SLC22A23: variants seen among roughly 807,000 people sequenced by gnomAD.
SLC22A23 encodes the protein solute carrier family 22 member 23.
A neutral mutation model predicts 61.0 loss-of-function variants in SLC22A23; 26 were observed. The observed-to-expected ratio is 0.43, with a 90% CI of 0.31 to 0.59. SLC22A23 has a LOEUF of 0.59. SLC22A23 is among the 20% of genes least tolerant of loss of function. The probability of loss-of-function intolerance (pLI) is 0.11; values close to 1 mark genes in which losing one functional copy is unlikely to be tolerated. For missense variants in SLC22A23, 796 were observed against 934.7 expected, an observed-to-expected ratio of 0.85 and a Z score of 1.94; for synonymous variants, 430 against 413.9, an observed-to-expected ratio of 1.04 and a Z score of -0.47.
chr6:3,358,421 GACA>G (rs1163370558), intron 3 of SLC22A23, among the ~76,000 whole-genome samples: 1 of 152,138 alleles, frequency 6.6e-6, no homozygotes, highest in East Asian at 1.9e-4. Context: ...TGACACGTAC[GACA>G]CGTGGATGAA....
chr6:3,380,587 T>C (rs777923857), intron 3 of SLC22A23, among the ~76,000 whole-genome samples: 9 of 151,982 alleles, frequency 5.9e-5, no homozygotes, highest in Non-Finnish European at 1.3e-4. Context: ...CAAAACTCTA[T>C]ACACCCAAAG....
intron 3 of SLC22A23, among the ~76,000 whole-genome samples, chr6:3,332,847 T>A (rs1561904367): frequency 6.6e-6 from 1 of 152,140 alleles, no homozygotes; most frequent in Non-Finnish European, 1.5e-5. Flanking sequence ...TAGAGCAGAC[T>A]TCCCCCGACC....
chr6:3,279,509 C>CAAAAAAAAAAAAAAAAAAAAAAAAAA lies in SLC22A23; in HGVS notation c.1703+4317_1703+4342dup, dbSNP rs10642564. Reference sequence around the variant, plus strand: ...CTGGCAACAGAGCAAGGCTCCGTCTCAAAAAAAAAAAAAAAAAAAAAAAAA... The same window carrying CAAAAAAAAAAAAAAAAAAAAAAAAAA: ...CTGGCAACAGAGCAAGGCTCCGTCTCAAAAAAAAAAAAAAAAAAAAAAAAAAAAAAAAAAAAAAAAAAAAAAAAAAA... On this transcript the variant is annotated intron_variant, in intron 9 of 9. Transcript: ENST00000406686. 3.1e-4 allele frequency among the ~76,000 whole-genome samples: 11 copies of CAAAAAAAAAAAAAAAAAAAAAAAAAA among 36,016 alleles called. 2 individuals carry two copies. Among genetic ancestry groups the CAAAAAAAAAAAAAAAAAAAAAAAAAA allele is most frequent in the South Asian group, 1.6e-3 (1 of 624 alleles). The allele number at this position is 36,016 out of a possible 152,430, so 23.6% of individuals were successfully genotyped here.
chr6:3,413,802 C>T (rs1408040820), intron 2 of SLC22A23, among the ~76,000 whole-genome samples: 2 of 152,136 alleles, frequency 1.3e-5, no homozygotes, highest in Non-Finnish European at 2.9e-5. Flanking sequence ...AGCAGGGAGT[C>T]AAATGCCAGA....
intron 1 of SLC22A23, among the ~76,000 whole-genome samples, chr6:3,436,617 T>C (rs1172257017): frequency 6.6e-6 from 1 of 152,088 alleles, no homozygotes; most frequent in Non-Finnish European, 1.5e-5. Flanking sequence ...TTCCCAACTC[T>C]CTCTTCCCTA....
At chr6:3,350,182 T>A (rs553049016) in intron 3 of SLC22A23, among the ~76,000 whole-genome samples, 5 of 152,346 alleles carry the variant, frequency 3.3e-5, no homozygotes, top group African/African-American at 1.2e-4. Flanking sequence ...TTTTTTTCTT[T>A]AAAAATGCTG....
In SLC22A23 at chr6:3,368,451, G is replaced by A. The variant is rs941858086; in HGVS notation, c.913+41737C>T. Among the ~76,000 whole-genome samples, 11 of 152,188 alleles carry A rather than the reference G, an allele frequency of 7.2e-5. 1 individual carries two copies. The highest frequency in any genetic ancestry group is 1.7e-4 in the African/African-American group (7 of 41,446). On this transcript the variant is annotated intron_variant, in intron 3 of 9. Transcript: ENST00000406686. ...ATGCGCTTTTCCAGGGGAAGGACCC[G>A]TAGCTGCCATCAAATTCTGGAAGGG...
rs1181334212 is a variant in SLC22A23 at position 3,322,856 on chromosome 6, A to G, written c.1082+978T>C. On this transcript the variant is annotated intron_variant, in intron 4 of 9. Coordinates refer to ENST00000406686, the MANE Select transcript of SLC22A23 (RefSeq NM_015482.2). This position sits in a 1 kb window ranked among gnomAD's most constrained non-coding sequence, Gnocchi z 4.1. ...AGAAATTTGGTTTTCATTGTTGACTAAATAGTAGCAATACAGGGCCACATC... is the reference window on the plus strand; with the variant it reads ...AGAAATTTGGTTTTCATTGTTGACTGAATAGTAGCAATACAGGGCCACATC... Among the ~76,000 whole-genome samples the G allele has an allele frequency of 6.6e-6, 1 of 152,202 alleles. No individual in the cohort carries two copies. The highest frequency in any genetic ancestry group is 1.5e-5 in the Non-Finnish European group (1 of 68,044).
At chr6:3,376,382 T>G (rs1766566410) in intron 3 of SLC22A23, among the ~76,000 whole-genome samples, 1 of 152,162 alleles carries the variant, frequency 6.6e-6, no homozygotes, top group African/African-American at 2.4e-5. Context: ...TGAGCTGGGT[T>G]ATAGTCCCTA....
rs568488122 is a variant in SLC22A23 at position 3,357,445 on chromosome 6, T to C, written c.914-33443A>G. 5.2e-5 allele frequency among the ~76,000 whole-genome samples: 8 copies of C among 152,386 alleles called. No homozygotes were observed. The East Asian group carries it at 1.5e-3, about 29-fold the overall frequency. On this transcript the variant is annotated intron_variant, in intron 3 of 9. Coordinates refer to ENST00000406686, the MANE Select transcript of SLC22A23 (RefSeq NM_015482.2). ...AAATACAAAGTAGGTGTGTTCTTCCTGGCTTTCTACCTGCTCAATTAGGCT... is the reference window on the plus strand; with the variant it reads ...AAATACAAAGTAGGTGTGTTCTTCCCGGCTTTCTACCTGCTCAATTAGGCT...
intron 3 of SLC22A23, among the ~76,000 whole-genome samples, chr6:3,405,991 T>C (rs183662545): frequency 1.3e-5 from 2 of 151,274 alleles, no homozygotes; most frequent in Non-Finnish European, 3.0e-5. Context: ...GGAGGGTTAT[T>C]ACAATAAGAA....
At position 3,456,681 on chromosome 6, in the gene SLC22A23, C is replaced by CGA; in HGVS notation, c.-124_-123dup. ...CTGCCGCCGAGGAGGGCCCGCGGCTCGAGAGAGAGCGCTCGGCGGCTCCGG... is the reference window on the plus strand; with the variant it reads ...CTGCCGCCGAGGAGGGCCCGCGGCTCGAGAGAGAGAGCGCTCGGCGGCTCCGG... On this transcript the variant is annotated 5_prime_UTR_variant, in exon 1 of 10. Coordinates refer to ENST00000406686, the MANE Select transcript of SLC22A23 (RefSeq NM_015482.2). The surrounding 1 kb of genome is among the most constrained non-coding windows in gnomAD (Gnocchi z 7.1). The CGA allele has an allele frequency of 1.7e-6, 1 of 605,154 alleles. No homozygotes were observed. The highest frequency in any genetic ancestry group is 2.1e-6 in the Non-Finnish European group (1 of 485,200). The allele number at this position is 605,154 out of a possible 1,614,324, so 37.5% of individuals were successfully genotyped here.
At position 3,297,378 on chromosome 6, in the gene SLC22A23, A is replaced by C. The variant is rs894023851; in HGVS notation, c.1210+713T>G. 1.3e-5 allele frequency among the ~76,000 whole-genome samples: 2 copies of C among 152,188 alleles called. No individual in the cohort carries two copies. The highest frequency in any genetic ancestry group is 4.8e-5 in the African/African-American group (2 of 41,436). ...AGTCAGAGCTTGGGCCGAGACCACC[A>C]GTGATCTTCAAACGGAAATCTGTAT... On this transcript the variant is annotated intron_variant, in intron 5 of 9. Transcript: ENST00000406686. This position sits in a 1 kb window ranked among gnomAD's most constrained non-coding sequence, Gnocchi z 4.3.
intron 3 of SLC22A23, among the ~76,000 whole-genome samples, chr6:3,400,530 C>T (rs897711912): frequency 6.6e-6 from 1 of 152,242 alleles, no homozygotes; most frequent in African/African-American, 2.4e-5. Context: ...TTCCCTGGAA[C>T]TTCATGGTTT....
intron 5 of SLC22A23, among the ~76,000 whole-genome samples, chr6:3,294,167 C>T (rs1760868108): frequency 1.3e-5 from 2 of 152,150 alleles, no homozygotes; most frequent in Non-Finnish European, 2.9e-5. Context: ...GGGAGAATGG[C>T]TCCTCTCCCT....
At chr6:3,369,526 A>G (rs1472640619) in intron 3 of SLC22A23, among the ~76,000 whole-genome samples, 2 of 152,136 alleles carry the variant, frequency 1.3e-5, no homozygotes, top group Non-Finnish European at 2.9e-5. Context: ...CCCCATCTCT[A>G]CTAAAAATAC....
intron 4 of SLC22A23, among the ~76,000 whole-genome samples, chr6:3,314,610 AATG>A (rs1249964872): frequency 6.6e-6 from 1 of 152,232 alleles, no homozygotes; most frequent in African/African-American, 2.4e-5. Flanking sequence ...AAATATTTTT[AATG>A]ATATTTTAAA....
rs201109220 is a variant in SLC22A23 at position 3,323,989 on chromosome 6, G to C, written c.927C>G (p.Cys309Trp). 2 of 1,614,122 alleles carry C rather than the reference G, an allele frequency of 1.2e-6. No homozygotes were observed. Among genetic ancestry groups the C allele is most frequent in the East Asian group, 4.5e-5 (2 of 44,872 alleles). ...LTLYALRIELCPPGKRFMITM... is the reference protein window; with the variant it reads ...LTLYALRIELWPPGKRFMITM... ...TAATCATGAACCGTTTTCCAGGGGG[G>C]CACAGCTCTATTCCTAGAACACAGA... The change falls in exon 4 of 10, where the codon TGC (cysteine) becomes TGG (tryptophan). Residue 309 changes from cysteine to tryptophan, a missense_variant. Transcript: ENST00000406686.
rs1457543365 is a variant in SLC22A23 at position 3,456,519 on chromosome 6, G to GGCCCGCC, written c.34_40dup (p.Pro14ArgfsTer70). On this transcript the variant is annotated frameshift_variant, in exon 1 of 10. Coordinates refer to ENST00000406686, the MANE Select transcript of SLC22A23 (RefSeq NM_015482.2). LOFTEE classifies it high-confidence loss of function. The surrounding 1 kb of genome is among the most constrained non-coding windows in gnomAD (Gnocchi z 7.1). ...CTCGGCCGGGGCCGGCTGCCGCCCAGGCCCGCCGCCCGCCGCCTCGCGCCG... is the reference window on the plus strand; with the variant it reads ...CTCGGCCGGGGCCGGCTGCCGCCCAGGCCCGCCGCCCGCCGCCCGCCGCCTCGCGCCG... 5.0e-6 allele frequency: 5 copies of GGCCCGCC among 995,466 alleles called. No homozygotes were observed. Among genetic ancestry groups the GGCCCGCC allele is most frequent in the Non-Finnish European group, 6.0e-6 (5 of 838,626 alleles). 61.7% of individuals were successfully genotyped at this position (995,466 alleles called of 1,614,324 possible).
Sources: gnomAD v4.1 joint callset for allele counts (sites outside exome capture counted in the v4.1 genomes callset) on GRCh38, gnomAD v4.1.1 for gene constraint, Gnocchi (gnomAD v3.1) non-coding constraint, MANE v1.5 for transcripts, NCBI Gene and HGNC (gene_info 2026-07-23, HGNC 2026-07-21) for gene names.